Variants in RAP1GAP2 observed in about 807,000 individuals in gnomAD.
RAP1GAP2 encodes the protein RAP1 GTPase activating protein 2, also known as rap1 GTPase-activating protein 2.
RAP1GAP2 carries 27 observed loss-of-function variants against 95.0 expected under a neutral mutation model. That is an observed-to-expected ratio of 0.28 (90% CI 0.21 to 0.39). RAP1GAP2 has a LOEUF of 0.39. RAP1GAP2 is among the 10% of genes least tolerant of loss of function. The pLI is 1.00. For synonymous variants in RAP1GAP2, 373 were observed against 380.9 expected, an observed-to-expected ratio of 0.98 and a Z score of 0.24; for missense variants, 771 against 970.0, an observed-to-expected ratio of 0.79 and a Z score of 2.72.
chr17:2,950,702 C>T (rs1184797325), intron 3 of RAP1GAP2, among the ~76,000 whole-genome samples: 1 of 147,706 alleles, frequency 6.8e-6, no homozygotes, highest in African/African-American at 2.5e-5. Flanking sequence ...CCTCTGCCTC[C>T]AAGGCTCAAG....
chr17:2,844,122 G>A (rs1198814954), intron 2 of RAP1GAP2, among the ~76,000 whole-genome samples: 2 of 151,996 alleles, frequency 1.3e-5, no homozygotes, highest in Non-Finnish European at 2.9e-5. Context: ...CTGGGTTCAC[G>A]CCATTCTCCT....
At chr17:2,982,722 G>A (rs539670124) in intron 10 of RAP1GAP2, among the ~76,000 whole-genome samples, 4 of 151,980 alleles carry the variant, frequency 2.6e-5, no homozygotes, top group South Asian at 2.1e-4. Flanking sequence ...CTTAACTACC[G>A]GTTTGGCAAT....
intron 4 of RAP1GAP2, chr17:2,962,265 T>G: frequency 5.1e-6 from 1 of 197,406 alleles, no homozygotes; most frequent in Non-Finnish European, 1.0e-5. Context: ...ACCCACAGCA[T>G]TTATTATATA....
intron 2 of RAP1GAP2, among the ~76,000 whole-genome samples, chr17:2,834,260 G>C (rs1261442878): frequency 6.6e-6 from 1 of 152,158 alleles, no homozygotes; most frequent in Non-Finnish European, 1.5e-5. Context: ...TCTGCCCTGA[G>C]GGCCCCTGGG....
chr17:3,007,811 G>GGGGGAGTAGAT, intron 16 of RAP1GAP2, among the ~76,000 whole-genome samples, 200 bp from the exon 17 acceptor site: 1 of 152,176 alleles, frequency 6.6e-6, no homozygotes, highest in African/African-American at 2.4e-5. Context: ...GGGGAGTAGA[G>GGGGGAGTAGAT]CAGGAGGCCG....
At chr17:2,776,671 G>A (rs966569322), upstream of RAP1GAP2, among the ~76,000 whole-genome samples, 28 of 150,442 alleles carry the variant, frequency 1.9e-4, no homozygotes, top group Non-Finnish European at 4.0e-4. Context: ...ACCCTGGATC[G>A]GCGCGGGCTC....
chr17:3,021,529 G>A (rs1456471139), intron 19 of RAP1GAP2, among the ~76,000 whole-genome samples: 2 of 148,062 alleles, frequency 1.4e-5, no homozygotes, highest in Admixed American at 1.4e-4. Flanking sequence ...CTGCCTCCTG[G>A]GTTCAAGCAG....
intron 2 of RAP1GAP2, among the ~76,000 whole-genome samples, chr17:2,813,754 C>A (rs1055856871): frequency 6.6e-6 from 1 of 151,906 alleles, no homozygotes; most frequent in African/African-American, 2.4e-5. Context: ...GTCAGGAGTT[C>A]GTCGAGACCA....
Position 3,005,527 on chromosome 17 carries a change from C to T in RAP1GAP2, c.1272+87C>T. 7.0e-7 allele frequency: 1 copy of T among 1,435,280 alleles called. No homozygotes were observed. The allele number at this position is 1,435,280 out of a possible 1,614,324, so 88.9% of individuals were successfully genotyped here. ...GCAATGGTTGGGATGGAGCCAAATT[C>T]AGGCTGGGAACATTAGGGAGCTCCT... is the stretch of plus-strand genomic sequence containing the variant. On this transcript the variant is annotated intron_variant, in intron 15 of 24. Transcript: ENST00000254695. The surrounding 1 kb of genome is among the most constrained non-coding windows in gnomAD (Gnocchi z 5.2).
At chr17:2,917,594 G>A (rs973970233) in intron 3 of RAP1GAP2, among the ~76,000 whole-genome samples, 5 of 152,040 alleles carry the variant, frequency 3.3e-5, no homozygotes, top group African/African-American at 7.2e-5. Context: ...TAGTAGAGAC[G>A]GGGTTTCACC....
intron 14 of RAP1GAP2, among the ~76,000 whole-genome samples, 191 bp downstream of exon 14, chr17:2,998,567 G>A (rs766754787): frequency 3.3e-5 from 5 of 152,218 alleles, no homozygotes; most frequent in South Asian, 2.1e-4. Flanking sequence ...TGCTGCCTCC[G>A]GGCTCAATGG....
chr17:2,929,784 C>T (rs770709987), intron 3 of RAP1GAP2, among the ~76,000 whole-genome samples: 4 of 152,206 alleles, frequency 2.6e-5, no homozygotes, highest in Non-Finnish European at 5.9e-5. Context: ...AGCCCTGATC[C>T]AGGCTGCCTG....
At chr17:2,769,573 G>GAAATAACATAAATAAAATAAAATA (rs1388178637) in intron 1 of RAP1GAP2, among the ~76,000 whole-genome samples, 4 of 150,682 alleles carry the variant, frequency 2.7e-5, no homozygotes, top group Non-Finnish European at 5.9e-5. Flanking sequence ...AAAATAAAAT[G>GAAATAACATAAATAAAATAAAATA]AAATAACATA....
chr17:2,942,961 G>GT (rs952822237), intron 3 of RAP1GAP2, among the ~76,000 whole-genome samples: 4 of 151,904 alleles, frequency 2.6e-5, no homozygotes, highest in Non-Finnish European at 5.9e-5. Context: ...TAGAGATGGG[G>GT]TTTCACCATG....
chr17:2,864,736 C>T (rs1027542836), intron 2 of RAP1GAP2, among the ~76,000 whole-genome samples: 4 of 152,178 alleles, frequency 2.6e-5, no homozygotes, highest in South Asian at 2.1e-4. Flanking sequence ...GGAGGGGTCC[C>T]GGCAGCCTAG....
chr17:2,771,479 C>CTTTTTTTTTTTTTTTTTTT (rs775623366), intron 2 of RAP1GAP2, among the ~76,000 whole-genome samples: 1 of 131,788 alleles, frequency 7.6e-6, no homozygotes, highest in African/African-American at 3.0e-5. Flanking sequence ...ATCAAAGCCA[C>CTTTTTTTTTTTTTTTTTTT]TTTTTTGTTT....
chr17:2,897,829 G>A (rs541537447), intron 2 of RAP1GAP2, among the ~76,000 whole-genome samples: 1 of 152,194 alleles, frequency 6.6e-6, no homozygotes, highest in Admixed American at 6.5e-5. Flanking sequence ...GGTGGCATCT[G>A]GTGCTTTCTC....
In RAP1GAP2 at chr17:2,797,231, G is replaced by T. The variant is rs2069118473; in HGVS notation, c.44+660G>T. ...GCCCACCCTAGCTCTGTCCTAGCCTGAGCAGCTGCATCTGTCCCCAGCCTC... is the reference window on the plus strand; with the variant it reads ...GCCCACCCTAGCTCTGTCCTAGCCTTAGCAGCTGCATCTGTCCCCAGCCTC... On this transcript the variant is annotated intron_variant, in intron 1 of 24. Transcript: ENST00000254695. This position sits in a 1 kb window ranked among gnomAD's most constrained non-coding sequence, Gnocchi z 5.6. 6.6e-6 allele frequency among the ~76,000 whole-genome samples: 1 copy of T among 152,144 alleles called. No individual in the cohort carries two copies. Among genetic ancestry groups the T allele is most frequent in the Non-Finnish European group, 1.5e-5 (1 of 68,038 alleles).
chr17:2,756,286 G>A (rs1266639025), intron 1 of RAP1GAP2, among the ~76,000 whole-genome samples: 1 of 152,252 alleles, frequency 6.6e-6, no homozygotes, highest in East Asian at 1.9e-4. Context: ...ACAGGGCGCA[G>A]AGAAGGGGGC....
Sources: gnomAD v4.1 joint callset for allele counts (sites outside exome capture counted in the v4.1 genomes callset) on GRCh38, gnomAD v4.1.1 for gene constraint, Gnocchi (gnomAD v3.1) non-coding constraint, MANE v1.5 for transcripts, NCBI Gene and HGNC (gene_info 2026-07-23, HGNC 2026-07-21) for gene names.